Variants in PRKG1 observed in about 807,000 individuals in gnomAD.
The protein encoded by PRKG1 is protein kinase cGMP-dependent 1, also known as cGMP-dependent protein kinase 1.
A neutral mutation model predicts 88.1 loss-of-function variants in PRKG1; 35 were observed. The ratio of observed to expected loss-of-function variants is 0.40; its 90% confidence interval spans 0.30 to 0.53. The LOEUF (loss-of-function observed/expected upper bound fraction) is 0.53, where lower values mean the gene tolerates loss of function less well. Among genes scored for constraint, PRKG1 ranks in the 20% least tolerant of loss-of-function variants. The pLI, the probability that PRKG1 is intolerant of heterozygous loss-of-function variation, is 0.59. For synonymous variants in PRKG1, 303 were observed against 292.5 expected (o/e 1.04, Z -0.37); for missense variants, 540 against 839.8 (o/e 0.64, Z 4.41).
At chr10:51,126,061 TA>T (rs1845394688) in intron 1 of PRKG1, among the ~76,000 whole-genome samples, 3 of 122,666 alleles carry the variant, frequency 2.4e-5, no homozygotes, top group African/African-American at 9.9e-5. Flanking sequence ...TAATTATATA[TA>T]ATATACTACA....
intron 4 of PRKG1, among the ~76,000 whole-genome samples, chr10:51,834,994 A>G (rs1840097764): frequency 6.6e-6 from 1 of 152,172 alleles, no homozygotes; most frequent in Non-Finnish European, 1.5e-5. Flanking sequence ...CTTCCCCTCA[A>G]TGTAGACTAA....
chr10:51,469,650 T>G (rs1236962228), intron 3 of PRKG1, among the ~76,000 whole-genome samples: 2 of 151,912 alleles, frequency 1.3e-5, no homozygotes, highest in Non-Finnish European at 2.9e-5. Flanking sequence ...AGATGTTGAA[T>G]GCAAATTATA....
At chr10:51,334,077 T>C (rs1677431736) in intron 2 of PRKG1, among the ~76,000 whole-genome samples, 1 of 151,660 alleles carries the variant, frequency 6.6e-6, no homozygotes, top group African/African-American at 2.4e-5. Context: ...ATCTCTTGCC[T>C]CTGGTCTTCT....
chr10:51,960,619 C>T (rs1843424565), intron 5 of PRKG1, among the ~76,000 whole-genome samples: 3 of 151,850 alleles, frequency 2.0e-5, no homozygotes, highest in Admixed American at 2.0e-4. Context: ...ACGACGTAAC[C>T]AGTTTTTCTG....
chr10:51,737,738 TTAA>T (rs72331344), intron 3 of PRKG1, among the ~76,000 whole-genome samples: 30,055 of 131,936 alleles, frequency 0.23, 3,635 homozygotes, highest in African/African-American at 0.34. Flanking sequence ...TATTTATTTA[TTAA>T]TTATTATTAT....
At chr10:51,690,671 T>A (rs2132389832) in intron 3 of PRKG1, among the ~76,000 whole-genome samples, 1 of 152,162 alleles carries the variant, frequency 6.6e-6, no homozygotes, top group Middle Eastern at 3.4e-3. Flanking sequence ...CTCACACCTG[T>A]AATCCCAGCA....
intron 3 of PRKG1, among the ~76,000 whole-genome samples, chr10:51,626,332 A>T (rs769598163): frequency 5.9e-5 from 9 of 152,218 alleles, no homozygotes; most frequent in Non-Finnish European, 1.2e-4. Context: ...AACATAGTTG[A>T]CATTTTAGTG....
chr10:51,170,783 G>T (rs1846684075), intron 2 of PRKG1, among the ~76,000 whole-genome samples: 1 of 150,370 alleles, frequency 6.7e-6, no homozygotes, highest in African/African-American at 2.4e-5. Flanking sequence ...GGGGGAGTTG[G>T]GTAACAAAAC....
At chr10:51,137,281 T>G (rs1001074855) in intron 1 of PRKG1, among the ~76,000 whole-genome samples, 5 of 152,158 alleles carry the variant, frequency 3.3e-5, no homozygotes, top group African/African-American at 1.2e-4. Flanking sequence ...CAGAAACGTT[T>G]AGGTTTAACA....
intron 3 of PRKG1, among the ~76,000 whole-genome samples, chr10:51,779,426 G>A (rs1348016811): frequency 6.6e-6 from 1 of 152,036 alleles, no homozygotes; most frequent in African/African-American, 2.4e-5. Context: ...AAAGTCTCCT[G>A]GACAACCCAC....
At chr10:51,423,348 A>G (rs1405990324) in intron 2 of PRKG1, among the ~76,000 whole-genome samples, 1 of 152,144 alleles carries the variant, frequency 6.6e-6, no homozygotes, top group Non-Finnish European at 1.5e-5. Context: ...TAAAACAACA[A>G]CCTACCATCT....
At chr10:51,548,995 A>C (rs1429998438) in intron 3 of PRKG1, among the ~76,000 whole-genome samples, 1 of 151,954 alleles carries the variant, frequency 6.6e-6, no homozygotes, top group Non-Finnish European at 1.5e-5. Context: ...TCACTCAAGA[A>C]TATGGTTAAG....
intron 2 of PRKG1, among the ~76,000 whole-genome samples, chr10:51,463,332 G>A (rs1277795321): frequency 6.6e-6 from 1 of 152,128 alleles, no homozygotes; most frequent in Non-Finnish European, 1.5e-5. Flanking sequence ...TAAATTTGGT[G>A]TGTCTCTGGC....
intron 4 of PRKG1, among the ~76,000 whole-genome samples, chr10:51,811,529 T>C (rs1435825824): frequency 2.0e-5 from 3 of 152,192 alleles, no homozygotes; most frequent in Non-Finnish European, 4.4e-5. Context: ...GAAAGTTTCT[T>C]CATTCTACTG....
intron 2 of PRKG1, among the ~76,000 whole-genome samples, chr10:51,236,928 T>A (rs1030475196): frequency 3.9e-5 from 6 of 152,172 alleles, no homozygotes; most frequent in Admixed American, 3.9e-4. Context: ...CCAGTAGAGT[T>A]CTGGTCACAA....
At chr10:51,318,167 G>A (rs950984804) in intron 2 of PRKG1, among the ~76,000 whole-genome samples, 2 of 152,190 alleles carry the variant, frequency 1.3e-5, no homozygotes, top group Non-Finnish European at 2.9e-5. Context: ...TTCAGAGACT[G>A]TGGCATGGTA....
intron 3 of PRKG1, among the ~76,000 whole-genome samples, chr10:51,491,504 G>C (rs751319079): frequency 6.6e-6 from 1 of 152,090 alleles, no homozygotes; most frequent in Non-Finnish European, 1.5e-5. Flanking sequence ...CCATTTGACA[G>C]ATGAAGGAGC....
At chr10:51,616,616 A>G (rs1187455075) in intron 3 of PRKG1, among the ~76,000 whole-genome samples, 2 of 152,048 alleles carry the variant, frequency 1.3e-5, no homozygotes, top group Non-Finnish European at 1.5e-5. Context: ...TGGACTGCAT[A>G]TTCTGGCATA....
At chr10:52,116,403 G>A (rs982163735) in intron 7 of PRKG1, among the ~76,000 whole-genome samples, 1 of 152,104 alleles carries the variant, frequency 6.6e-6, no homozygotes, top group African/African-American at 2.4e-5. Context: ...TTACATGAAT[G>A]AATGAGCCGA....
Sources: allele counts gnomAD v4.1 joint callset (sites outside exome capture counted in the v4.1 genomes callset), GRCh38; gene constraint gnomAD v4.1.1; transcripts MANE v1.5; gene names NCBI Gene and HGNC (gene_info 2026-07-23, HGNC 2026-07-21).